Variants in HACD1 observed in about 807,000 individuals in gnomAD.
HACD1 encodes 3-hydroxyacyl-CoA dehydratase 1, also known as very-long-chain (3R)-3-hydroxyacyl-CoA dehydratase 1.
HACD1 carries 41 observed loss-of-function variants against 32.0 expected under a neutral mutation model. The ratio of observed to expected loss-of-function variants is 1.28; its 90% CI spans 1.00 to 1.66. The LOEUF is 1.66. Ranked by LOEUF, HACD1 falls within the 40% of genes most tolerant of loss-of-function variation. The pLI, the probability that HACD1 is intolerant of heterozygous loss-of-function variation, is 0.00. For missense variants in HACD1, 396 were observed against 380.1 expected (o/e 1.04, Z -0.35); for synonymous variants, 142 against 139.0 (o/e 1.02, Z -0.15).
rs535729728 is a variant in HACD1, at chr10:17,616,789, C to A, written c.257+294G>T. On this transcript the variant is annotated intron_variant, in intron 1 of 6. Coordinates refer to ENST00000361271, the MANE Select transcript of HACD1 (RefSeq NM_014241.4). The stretch of plus-strand genomic sequence containing the variant: ...TCAACAGCAGCGAAGGCAGCGGCGC[C>A]GGGGCAGCAGCCACCTCCCCCGCGG... Among the ~76,000 whole-genome samples the A allele has an allele frequency of 1.4e-4, 21 of 152,202 alleles. 1 individual carries two copies. In the East Asian group the frequency reaches 4.1e-3, roughly 29 times the overall value.
chr10:17,615,839 C>T (rs1554817972), intron 1 of HACD1: 2 of 431,950 alleles, frequency 4.6e-6, no homozygotes, highest in African/African-American at 2.0e-5. Context: ...TGGTGGCCCA[C>T]GCTTGTAGTC....
intron 1 of HACD1, among the ~76,000 whole-genome samples, chr10:17,615,296 G>A (rs1554817887): frequency 6.6e-6 from 1 of 152,196 alleles, no homozygotes; most frequent in Non-Finnish European, 1.5e-5. Flanking sequence ...AAGTATCTGT[G>A]CCTCACTCTT....
intron 2 of HACD1, 29 bp from the exon 3 acceptor site, chr10:17,603,773 G>T: frequency 6.3e-7 from 1 of 1,579,972 alleles, no homozygotes; most frequent in Non-Finnish European, 8.7e-7. Context: ...AAATCATTAC[G>T]TCAATAATAG....
chr10:17,604,358 G>A (rs185161605), intron 1 of HACD1, among the ~76,000 whole-genome samples: 253 of 151,922 alleles, frequency 1.7e-3, no homozygotes, highest in Middle Eastern at 0.01. Context: ...GGTGGCGGGC[G>A]CCTGAGTCCC....
At chr10:17,611,192 G>A (rs1834230420) in intron 1 of HACD1, among the ~76,000 whole-genome samples, 1 of 152,058 alleles carries the variant, frequency 6.6e-6, no homozygotes, top group African/African-American at 2.4e-5. Context: ...AGTAGAGACA[G>A]GGTTTCACTG....
intron 1 of HACD1, among the ~76,000 whole-genome samples, chr10:17,610,311 A>G (rs763465183): frequency 6.6e-6 from 1 of 152,132 alleles, no homozygotes; most frequent in Non-Finnish European, 1.5e-5. Flanking sequence ...ATTAAATCAT[A>G]CTAAGTATAC....
rs782638954 is a variant in HACD1, at chr10:17,599,334, T to C, written c.561A>G (p.Thr187=). The stretch of plus-strand genomic sequence containing the variant: ...ATGGCAAGTGGTCAAGAAGGCTGAA[T>C]GTGTAGAAGGAATAGCGAGTGATCT... ...VTEITRYSFY[T]FSLLDHLPYF... Residue 187 remains threonine (T), a synonymous_variant, in exon 5 of 7, where the codon ACA becomes ACG. Coordinates refer to ENST00000361271, the MANE Select transcript of HACD1 (RefSeq NM_014241.4). 5.6e-6 allele frequency: 9 copies of C among 1,613,864 alleles called. No individual in the cohort carries two copies. The highest frequency in any genetic ancestry group is 1.1e-5 in the South Asian group (1 of 91,080).
chr10:17,607,634 T>C (rs1357776884), intron 1 of HACD1, among the ~76,000 whole-genome samples: 1 of 152,182 alleles, frequency 6.6e-6, no homozygotes, highest in Non-Finnish European at 1.5e-5. Flanking sequence ...AACAGCATTG[T>C]ATAAAAATCC....
chr10:17,594,173 T>G (rs781833636), intron 6 of HACD1, 32 bp downstream of exon 6: 8 of 1,329,688 alleles, frequency 6.0e-6, no homozygotes, highest in Non-Finnish European at 7.8e-6. Flanking sequence ...ACATCATATG[T>G]CAAATCAAAG....
chr10:17,592,069 C>T (rs1247385154), intron 6 of HACD1, among the ~76,000 whole-genome samples: 1 of 148,922 alleles, frequency 6.7e-6, no homozygotes, highest in Non-Finnish European at 1.5e-5. Flanking sequence ...GCAACCTCTG[C>T]CTCCCCGGTT....
intron 6 of HACD1, among the ~76,000 whole-genome samples, chr10:17,593,156 C>T (rs1554815713): frequency 6.6e-6 from 1 of 151,864 alleles, no homozygotes; most frequent in East Asian, 1.9e-4. Context: ...GGCAAAAGCG[C>T]AAGACTCTGT....
chr10:17,604,158 G>A lies in HACD1; in HGVS notation c.258-111C>T, dbSNP rs1480831806. 7.7e-6 allele frequency: 6 copies of A among 777,126 alleles called. No homozygotes were observed. In the East Asian group the frequency reaches 1.5e-4, roughly 20 times the overall value. The allele number at this position is 777,126 out of a possible 1,614,324, so 48.1% of individuals were successfully genotyped here. A position where few individuals can be genotyped will look rare whatever the true frequency, so the allele number is the denominator to read the frequency against. ...ATAGTGAAAAGGTAAAAGCAACCCA[G>A]GTGTCCATAAGTGAGTGAATGGATA... is the stretch of plus-strand genomic sequence containing the variant. On this transcript the variant is annotated intron_variant, in intron 1 of 6. Transcript: ENST00000361271.
At chr10:17,594,971 G>A (rs1833977522) in intron 5 of HACD1, among the ~76,000 whole-genome samples, 1 of 151,774 alleles carries the variant, frequency 6.6e-6, no homozygotes. Flanking sequence ...CAATTCTCCT[G>A]CCTCAGCCTC....
intron 5 of HACD1, among the ~76,000 whole-genome samples, chr10:17,597,810 TA>T (rs755140237): frequency 6.6e-6 from 1 of 152,122 alleles, no homozygotes; most frequent in Admixed American, 6.6e-5. Context: ...ACAGTAAGAT[TA>T]AAACCAACCA....
At chr10:17,601,253 C>T (rs1433487253) in intron 4 of HACD1, among the ~76,000 whole-genome samples, 2 of 152,102 alleles carry the variant, frequency 1.3e-5, no homozygotes, top group African/African-American at 2.4e-5. Flanking sequence ...AGGCTGGTCT[C>T]GAACTCCTGA....
intron 1 of HACD1, among the ~76,000 whole-genome samples, chr10:17,614,116 A>C (rs1291450795): frequency 6.6e-6 from 1 of 152,182 alleles, no homozygotes; most frequent in Admixed American, 6.5e-5. Context: ...AAGAGAAAGG[A>C]CAGACACCCA....
At chr10:17,607,349 T>G (rs948269997) in intron 1 of HACD1, among the ~76,000 whole-genome samples, 5 of 152,196 alleles carry the variant, frequency 3.3e-5, no homozygotes, top group Non-Finnish European at 7.4e-5. Context: ...GCGCCAACAC[T>G]GAACTGGACT....
At chr10:17,591,907 A>G (rs1554815604) in intron 6 of HACD1, among the ~76,000 whole-genome samples, 1 of 151,860 alleles carries the variant, frequency 6.6e-6, no homozygotes, top group Non-Finnish European at 1.5e-5. Context: ...ATACTTCCAT[A>G]AAATTCCGAG....
intron 1 of HACD1, among the ~76,000 whole-genome samples, chr10:17,604,749 T>A (rs958849729): frequency 1.3e-5 from 2 of 152,196 alleles, no homozygotes; most frequent in Non-Finnish European, 2.9e-5. Flanking sequence ...TCTGTCACCC[T>A]GGCTGAAGGG....
Sources: allele counts gnomAD v4.1 joint callset (sites outside exome capture counted in the v4.1 genomes callset), GRCh38; gene constraint gnomAD v4.1.1; transcripts MANE v1.5; gene names NCBI Gene and HGNC (gene_info 2026-07-23, HGNC 2026-07-21).